Variants in ABTB3 observed in about 807,000 individuals in gnomAD.
The protein encoded by ABTB3 is ankyrin repeat and BTB domain containing 3.
At chr12:107,392,898 C>T in the ABTB3 span, among the ~76,000 whole-genome samples, 1 of 152,202 alleles carries the variant, frequency 6.6e-6, no homozygotes, top group Non-Finnish European at 1.5e-5. Flanking sequence ...AGCTCTCCCG[C>T]CCTGTGGAAG....
chr12:107,469,918 CTT>C, the ABTB3 span, among the ~76,000 whole-genome samples: 231 of 103,686 alleles, frequency 2.2e-3, 7 homozygotes, highest in African/African-American at 7.1e-3. Flanking sequence ...TTCTTTCTTT[CTT>C]TCTCTCTCTC....
chr12:107,617,341 C>T, the ABTB3 span: 68 of 1,613,994 alleles, frequency 4.2e-5, no homozygotes, highest in Middle Eastern at 3.3e-4. Context: ...AGCGTGGTGC[C>T]GATCCCCTGA....
chr12:107,371,471 C>A, the ABTB3 span, among the ~76,000 whole-genome samples: 1 of 152,154 alleles, frequency 6.6e-6, no homozygotes, highest in Non-Finnish European at 1.5e-5. Context: ...ATGCCCAGAG[C>A]TGGCCTCGTT....
At chr12:107,580,770 G>T in the ABTB3 span, 3 of 1,449,400 alleles carry the variant, frequency 2.1e-6, no homozygotes, top group Non-Finnish European at 2.7e-6. Context: ...GGCGCTGATT[G>T]GTTTTCCGCC....
the ABTB3 span, among the ~76,000 whole-genome samples, chr12:107,339,746 T>C: frequency 6.6e-6 from 1 of 151,980 alleles, no homozygotes; most frequent in African/African-American, 2.4e-5. Flanking sequence ...AGCAGAATTA[T>C]CAGAAATTGG....
chr12:107,419,075 G>A, the ABTB3 span, among the ~76,000 whole-genome samples: 1 of 152,216 alleles, frequency 6.6e-6, no homozygotes, highest in Non-Finnish European at 1.5e-5. Flanking sequence ...ACAGACTTGA[G>A]GGCTGGTGAT....
chr12:107,497,000 C>A, the ABTB3 span, among the ~76,000 whole-genome samples: 1 of 152,134 alleles, frequency 6.6e-6, no homozygotes, highest in African/African-American at 2.4e-5. Context: ...GGAATCAAGT[C>A]ATCTCTATTC....
chr12:107,520,719 A>G, the ABTB3 span: 4 of 1,542,118 alleles, frequency 2.6e-6, no homozygotes, highest in African/African-American at 1.4e-5. Context: ...CCTCATGCCA[A>G]CCCCTCAGGG....
chr12:107,408,321 CT>C, the ABTB3 span, among the ~76,000 whole-genome samples: 1 of 152,236 alleles, frequency 6.6e-6, no homozygotes, highest in Non-Finnish European at 1.5e-5. Context: ...GCCCTGTGGG[CT>C]GCTGTCCCAT....
chr12:107,561,745 T>C, the ABTB3 span, among the ~76,000 whole-genome samples: 11 of 152,208 alleles, frequency 7.2e-5, no homozygotes, highest in Non-Finnish European at 1.3e-4. Context: ...CGTTCATGTA[T>C]TTATTAATTT....
chr12:107,319,784 C>A, the ABTB3 span: 4 of 1,455,558 alleles, frequency 2.7e-6, no homozygotes, highest in African/African-American at 5.9e-5. Flanking sequence ...TGGTGCGGCC[C>A]CCGCGGCGGA....
the ABTB3 span, among the ~76,000 whole-genome samples, chr12:107,471,609 C>T: frequency 2.6e-5 from 4 of 152,146 alleles, no homozygotes; most frequent in African/African-American, 9.7e-5. Flanking sequence ...GTGAGCTTTG[C>T]CTGCAATCTG....
At chr12:107,352,703 CTG>C in the ABTB3 span, among the ~76,000 whole-genome samples, 384 of 152,160 alleles carry the variant, frequency 2.5e-3, 1 homozygote, top group African/African-American at 3.5e-3. Context: ...GTGATCATAT[CTG>C]TGTTTTTCAG....
the ABTB3 span, among the ~76,000 whole-genome samples, chr12:107,449,765 G>A: frequency 3.9e-5 from 6 of 152,016 alleles, no homozygotes; most frequent in South Asian, 2.1e-4. Context: ...TCCCACCTCA[G>A]CCTCCCAAGT....
chr12:107,567,648 C>G, the ABTB3 span, among the ~76,000 whole-genome samples: 39,391 of 152,028 alleles, frequency 0.26, 5,227 homozygotes, highest in East Asian at 0.33. Flanking sequence ...AGGAACCAGG[C>G]CGCACAGCAA....
chr12:107,613,715 A>G, the ABTB3 span, among the ~76,000 whole-genome samples: 122 of 152,236 alleles, frequency 8.0e-4, 2 homozygotes, highest in South Asian at 0.019. Context: ...ACCATGTTCT[A>G]TGCTGCCTGA....
chr12:107,348,866 G>A, the ABTB3 span, among the ~76,000 whole-genome samples: 1 of 152,316 alleles, frequency 6.6e-6, no homozygotes, highest in Middle Eastern at 3.4e-3. Context: ...CAGGGCACCT[G>A]GGAAAGCCTC....
the ABTB3 span, among the ~76,000 whole-genome samples, chr12:107,398,906 G>A: frequency 6.6e-6 from 1 of 152,114 alleles, no homozygotes; most frequent in Non-Finnish European, 1.5e-5. Context: ...ACAGACCCAG[G>A]GTTGAGTTCT....
the ABTB3 span, among the ~76,000 whole-genome samples, chr12:107,521,763 CCTTTGCACTTACT>C: frequency 1.3e-5 from 2 of 149,426 alleles, no homozygotes; most frequent in East Asian, 4.0e-4. Flanking sequence ...TACCACAGGA[CCTTTGCACTTACT>C]CTTCCCTCTG....
Sources: allele counts gnomAD v4.1 joint callset (sites outside exome capture counted in the v4.1 genomes callset), GRCh38; gene constraint gnomAD v4.1.1; transcripts MANE v1.5; gene names NCBI Gene and HGNC (gene_info 2026-07-23, HGNC 2026-07-21).